PTPRM: variants seen among roughly 807,000 people sequenced by gnomAD.
The protein encoded by PTPRM is protein tyrosine phosphatase receptor type M.
PTPRM carries 47 observed loss-of-function variants against 186.7 expected under a neutral mutation model. That is an observed-to-expected ratio of 0.25 (90% CI 0.20 to 0.32). The LOEUF (loss-of-function observed/expected upper bound fraction) is 0.32, where lower values mean the gene tolerates loss of function less well. PTPRM is among the 10% of genes least tolerant of loss of function. The pLI is 1.00. For synonymous variants in PTPRM, 668 were observed against 674.9 expected, an observed-to-expected ratio of 0.99 and a Z score of 0.16; for missense variants, 1,494 against 1,865.0, an observed-to-expected ratio of 0.80 and a Z score of 3.66.
chr18:8,127,873 C>G (rs545996819), intron 13 of PTPRM, among the ~76,000 whole-genome samples: 13 of 152,242 alleles, frequency 8.5e-5, no homozygotes, highest in African/African-American at 3.1e-4. Flanking sequence ...AGGGTATGCT[C>G]TTTGCTCTGC....
chr18:7,654,080 T>A (rs993794027), intron 1 of PTPRM, among the ~76,000 whole-genome samples: 1 of 152,168 alleles, frequency 6.6e-6, no homozygotes, highest in Non-Finnish European at 1.5e-5. Flanking sequence ...GATGTTGAAC[T>A]TTTTTTCATA....
At position 7,844,565 on chromosome 18, in the gene PTPRM, C is replaced by T. The variant is rs548219162; in HGVS notation, c.197-43541C>T. The stretch of plus-strand genomic sequence containing the variant: ...GAAGGGTGGAAACAGAAGGCATGCA[C>T]GAGTCACTGGTTCATAGAAACTCTG... On this transcript the variant is annotated intron_variant, in intron 2 of 32. Transcript: ENST00000580170. Among the ~76,000 whole-genome samples, 9 of 152,196 alleles carry T rather than the reference C, an allele frequency of 5.9e-5. No individual in the cohort carries two copies. In the South Asian group the frequency reaches 1.2e-3, roughly 21 times the overall value.
intron 27 of PTPRM, among the ~76,000 whole-genome samples, 167 bp downstream of exon 27, chr18:8,378,581 G>T (rs1452135704): frequency 6.6e-6 from 1 of 152,110 alleles, no homozygotes; most frequent in Non-Finnish European, 1.5e-5. Context: ...GACGTCTATG[G>T]TATCACCACC....
At chr18:7,597,331 G>T (rs934702642) in intron 1 of PTPRM, among the ~76,000 whole-genome samples, 1 of 152,168 alleles carries the variant, frequency 6.6e-6, no homozygotes, top group Admixed American at 6.5e-5. Flanking sequence ...TGTTCTCTCT[G>T]TGTTCTCTTC....
chr18:7,993,476 A>G (rs1462427327), intron 7 of PTPRM, among the ~76,000 whole-genome samples: 4 of 152,110 alleles, frequency 2.6e-5, no homozygotes, highest in African/African-American at 9.7e-5. Flanking sequence ...ATAGAAAGAG[A>G]AAAGCATCAA....
intron 3 of PTPRM, among the ~76,000 whole-genome samples, chr18:7,894,235 G>A (rs530651487): frequency 1.3e-4 from 20 of 152,174 alleles, no homozygotes; most frequent in African/African-American, 4.6e-4. Context: ...TTCTGTACTG[G>A]CCTGAAAATG....
chr18:7,891,277 C>T (rs72636713), intron 3 of PTPRM, among the ~76,000 whole-genome samples: 23,572 of 151,752 alleles, frequency 0.16, 2,231 homozygotes, highest in East Asian at 0.4. Flanking sequence ...CAGAGTGAGA[C>T]CTTGCCTCAA....
intron 5 of PTPRM, among the ~76,000 whole-genome samples, chr18:7,943,151 C>G (rs1230670249): frequency 6.6e-6 from 1 of 152,138 alleles, no homozygotes; most frequent in African/African-American, 2.4e-5. Context: ...TCTCCTGTTG[C>G]CTCACCCAGC....
At chr18:7,877,261 C>G (rs1035292976) in intron 2 of PTPRM, among the ~76,000 whole-genome samples, 7 of 152,092 alleles carry the variant, frequency 4.6e-5, no homozygotes, top group Admixed American at 4.6e-4. Context: ...ATTTTTCACT[C>G]CACGTTGCAC....
chr18:8,276,239 A>G (rs1039029360), intron 19 of PTPRM, among the ~76,000 whole-genome samples: 1 of 151,922 alleles, frequency 6.6e-6, no homozygotes, highest in African/African-American at 2.4e-5. Context: ...TTTAGACTCT[A>G]TTTACTACCT....
chr18:7,703,313 T>A (rs1321833787), intron 1 of PTPRM, among the ~76,000 whole-genome samples: 9 of 152,216 alleles, frequency 5.9e-5, no homozygotes, highest in Admixed American at 2.0e-4. Context: ...GAGCATGGAA[T>A]GTTTTTCCAT....
intron 14 of PTPRM, among the ~76,000 whole-genome samples, chr18:8,203,938 G>C (rs1275881518): frequency 1.3e-5 from 2 of 152,178 alleles, no homozygotes; most frequent in Admixed American, 1.3e-4. Flanking sequence ...TCCCTGTCAA[G>C]GAGGGGGTAG....
chr18:7,890,715 T>A (rs1237011225), intron 3 of PTPRM, among the ~76,000 whole-genome samples: 1 of 152,180 alleles, frequency 6.6e-6, no homozygotes, highest in Non-Finnish European at 1.5e-5. Context: ...AATTAACTAC[T>A]GGGATATTCA....
chr18:7,712,205 C>G (rs1385066887), intron 1 of PTPRM, among the ~76,000 whole-genome samples: 1 of 152,152 alleles, frequency 6.6e-6, no homozygotes, highest in African/African-American at 2.4e-5. Context: ...TCTGCTGGTA[C>G]CCAGGCAAAA....
intron 11 of PTPRM, among the ~76,000 whole-genome samples, chr18:8,096,236 G>A (rs1310916372): frequency 6.6e-6 from 1 of 152,176 alleles, no homozygotes; most frequent in African/African-American, 2.4e-5. Context: ...TCTTGGCTAG[G>A]GCCGGGGAAG....
chr18:8,343,346 T>A, intron 22 of PTPRM, 77 bp from the exon 23 acceptor site: 3 of 1,222,202 alleles, frequency 2.5e-6, no homozygotes, highest in Non-Finnish European at 3.6e-6. Context: ...TATTAATAGA[T>A]GTATTTGTAA....
At chr18:8,326,844 T>G (rs566785845) in intron 22 of PTPRM, among the ~76,000 whole-genome samples, 114 of 152,252 alleles carry the variant, frequency 7.5e-4, no homozygotes, top group African/African-American at 2.6e-3. Flanking sequence ...ACTATAAAAA[T>G]CCTGGAATAT....
chr18:7,658,357 T>TATATATATATATATATATAC (rs1555647615), intron 1 of PTPRM, among the ~76,000 whole-genome samples: 2 of 138,106 alleles, frequency 1.4e-5, no homozygotes, highest in African/African-American at 5.8e-5. Flanking sequence ...TATATATATA[T>TATATATATATATATATATAC]ATACATACAC....
chr18:8,268,461 A>T (rs2094728928), intron 19 of PTPRM, among the ~76,000 whole-genome samples: 1 of 152,176 alleles, frequency 6.6e-6, no homozygotes, highest in African/African-American at 2.4e-5. Flanking sequence ...AGAAAAGTTC[A>T]TGTCCAGATG....
Sources: gnomAD v4.1 joint callset for allele counts (sites outside exome capture counted in the v4.1 genomes callset) on GRCh38, gnomAD v4.1.1 for gene constraint, MANE v1.5 for transcripts, NCBI Gene and HGNC (gene_info 2026-07-23, HGNC 2026-07-21) for gene names.